Variants in DLGAP1 observed in about 807,000 individuals in gnomAD.
The protein encoded by DLGAP1 is disks large-associated protein 1.
A neutral mutation model predicts 90.8 loss-of-function variants in DLGAP1; 11 were observed. The ratio of observed to expected loss-of-function variants is 0.12; its 90% CI spans 0.08 to 0.20. The LOEUF is 0.20. Among genes scored for constraint, DLGAP1 ranks in the 10% least tolerant of loss-of-function variants. DLGAP1 has a pLI of 1.00. For synonymous variants in DLGAP1, 558 were observed against 540.7 expected, an observed-to-expected ratio of 1.03 and a Z score of -0.44; for missense variants, 1,050 against 1,333.8, an observed-to-expected ratio of 0.79 and a Z score of 3.31.
chr18:3,733,771 T>C (rs2062533361), intron 6 of DLGAP1, among the ~76,000 whole-genome samples: 1 of 152,222 alleles, frequency 6.6e-6, no homozygotes, highest in African/African-American at 2.4e-5. Context: ...GTATGTTTTA[T>C]ACTTGAAAGT....
At chr18:3,671,199 T>C (rs79478587) in intron 7 of DLGAP1, among the ~76,000 whole-genome samples, 78 of 136,980 alleles carry the variant, frequency 5.7e-4, no homozygotes, top group African/African-American at 2.1e-3. Context: ...TTTTTTTTTT[T>C]CCACCTGGAA....
intron 1 of DLGAP1, among the ~76,000 whole-genome samples, chr18:4,314,475 T>C (rs1461356255): frequency 1.3e-5 from 2 of 152,210 alleles, no homozygotes; most frequent in African/African-American, 4.8e-5. Context: ...TATGTAAACT[T>C]GCCTGGCTTT....
At chr18:3,815,937 T>C (rs1331986550) in intron 4 of DLGAP1, among the ~76,000 whole-genome samples, 1 of 152,060 alleles carries the variant, frequency 6.6e-6, no homozygotes, top group African/African-American at 2.4e-5. Flanking sequence ...TTAGCAGTAA[T>C]GGTGATGGGA....
intron 5 of DLGAP1, among the ~76,000 whole-genome samples, chr18:3,763,641 G>A (rs772194629): frequency 2.0e-5 from 3 of 151,826 alleles, no homozygotes; most frequent in South Asian, 2.1e-4. Context: ...TTCAGTTAAC[G>A]GGAAATGAAA....
chr18:4,180,105 G>A (rs1259718514), intron 1 of DLGAP1, among the ~76,000 whole-genome samples: 1 of 152,170 alleles, frequency 6.6e-6, no homozygotes, highest in South Asian at 2.1e-4. Context: ...AATCATGCGT[G>A]CATCAAAGAT....
chr18:4,341,027 T>C (rs1019724793), intron 1 of DLGAP1, among the ~76,000 whole-genome samples: 1 of 151,814 alleles, frequency 6.6e-6, no homozygotes, highest in Non-Finnish European at 1.5e-5. Flanking sequence ...ATAATGCTAG[T>C]TTTGATATTA....
intron 5 of DLGAP1, among the ~76,000 whole-genome samples, chr18:3,756,656 C>T (rs1041137763): frequency 7.3e-5 from 11 of 151,370 alleles, no homozygotes; most frequent in East Asian, 3.9e-4. Flanking sequence ...AAAAGAAAAA[C>T]GAATTAGTTG....
Position 3,879,422 on chromosome 18 carries a change from T to C in DLGAP1, c.647A>G (p.His216Arg). The C allele has an allele frequency of 1.2e-6, 2 of 1,610,280 alleles. No individual in the cohort carries two copies. The highest frequency in any genetic ancestry group is 1.7e-6 in the Non-Finnish European group (2 of 1,179,924). Residue 216 changes from histidine to arginine, a missense_variant, in exon 4 of 13, where the codon CAC (histidine) becomes CGC (arginine). His to Arg is a conservative substitution (Grantham distance 29, BLOSUM62 0). Transcript: ENST00000315677. This position sits in a 1 kb window ranked among gnomAD's most constrained non-coding sequence, Gnocchi z 6.6. ...DNLDGDMCIY[H>R]APSGVMTMGR... ...CATGGTCATCACGCCCGAGGGGGCGTGGTAGATGCACATGTCACCATCCAG... is the reference window on the plus strand; with the variant it reads ...CATGGTCATCACGCCCGAGGGGGCGCGGTAGATGCACATGTCACCATCCAG...
At chr18:4,376,007 G>C (rs1412286546) in intron 1 of DLGAP1, among the ~76,000 whole-genome samples, 1 of 151,982 alleles carries the variant, frequency 6.6e-6, no homozygotes, top group Non-Finnish European at 1.5e-5. Context: ...ACCTCTATTT[G>C]ATATATCAAT....
intron 1 of DLGAP1, among the ~76,000 whole-genome samples, chr18:4,305,707 T>C (rs2080235222): frequency 6.6e-6 from 1 of 152,136 alleles, no homozygotes. Flanking sequence ...GAAAGTCTAT[T>C]CAATACCATT....
Position 3,880,073 on chromosome 18 carries a change from G to A in DLGAP1, c.-5C>T. 1 of 1,598,556 alleles carries A rather than the reference G, an allele frequency of 6.3e-7. No individual in the cohort carries two copies. Among genetic ancestry groups the A allele is most frequent in the Non-Finnish European group, 8.5e-7 (1 of 1,179,474 alleles). On this transcript the variant is annotated 5_prime_UTR_variant, in exon 4 of 13. Coordinates refer to ENST00000315677, the MANE Select transcript of DLGAP1 (RefSeq NM_004746.4). ...GCTGCCTGATAGCCCTTTCATGGCG[G>A]ACCGGAAGCAGCCGCCAGGGTCATG...
At chr18:4,075,835 G>C (rs1490775431) in intron 2 of DLGAP1, among the ~76,000 whole-genome samples, 1 of 152,188 alleles carries the variant, frequency 6.6e-6, no homozygotes, top group African/African-American at 2.4e-5. Context: ...TACGACATGA[G>C]TTTATTGCTT....
At chr18:4,322,383 T>A (rs1203230346) in intron 1 of DLGAP1, among the ~76,000 whole-genome samples, 1 of 152,010 alleles carries the variant, frequency 6.6e-6, no homozygotes, top group Non-Finnish European at 1.5e-5. Context: ...CAAGAATACA[T>A]AATGAAAAAA....
At chr18:4,181,424 T>C (rs1420136055) in intron 1 of DLGAP1, among the ~76,000 whole-genome samples, 1 of 152,176 alleles carries the variant, frequency 6.6e-6, no homozygotes, top group Non-Finnish European at 1.5e-5. Context: ...ATTTTTTAAT[T>C]TCACAGGTGG....
At chr18:3,721,554 C>T (rs1254545032) in intron 7 of DLGAP1, 1 of 151,852 alleles carries the variant, frequency 6.6e-6, no homozygotes, top group Non-Finnish European at 1.5e-5. Flanking sequence ...CACAGACAAA[C>T]CAACATGAGA....
intron 7 of DLGAP1, among the ~76,000 whole-genome samples, chr18:3,701,212 C>T (rs1036272406): frequency 3.9e-5 from 6 of 152,140 alleles, no homozygotes; most frequent in Non-Finnish European, 4.4e-5. Flanking sequence ...CTAATGATCT[C>T]ATCAGAGGAG....
rs202241826 is a variant in DLGAP1, at chr18:4,388,910, C to T, written c.-267+66096G>A. 7.9e-5 allele frequency among the ~76,000 whole-genome samples: 12 copies of T among 152,182 alleles called. No homozygotes were observed. The South Asian group carries it at 1.9e-3, about 24-fold the overall frequency. ...AACTGGAGCCCTTGTCTACTGTTGA[C>T]GGGAGTGTAAAATAGTACAGCCACT... is the stretch of plus-strand genomic sequence containing the variant. On this transcript the variant is annotated intron_variant, in intron 1 of 12. Coordinates refer to ENST00000315677, the MANE Select transcript of DLGAP1 (RefSeq NM_004746.4).
intron 3 of DLGAP1, among the ~76,000 whole-genome samples, chr18:3,908,277 G>C (rs2071955933): frequency 6.6e-6 from 1 of 152,048 alleles, no homozygotes; most frequent in Non-Finnish European, 1.5e-5. Context: ...TTATGAATGT[G>C]GCATATTTAA....
intron 3 of DLGAP1, among the ~76,000 whole-genome samples, chr18:4,002,662 T>C (rs1308148998): frequency 6.6e-6 from 1 of 152,190 alleles, no homozygotes; most frequent in African/African-American, 2.4e-5. Context: ...TTCCAGTCAA[T>C]AGTAGATTAT....
Sources: allele counts gnomAD v4.1 joint callset (sites outside exome capture counted in the v4.1 genomes callset), GRCh38; gene constraint gnomAD v4.1.1; non-coding constraint Gnocchi (gnomAD v3.1); transcripts MANE v1.5; gene names NCBI Gene and HGNC (gene_info 2026-07-23, HGNC 2026-07-21).